PLS1: variants seen among roughly 807,000 people sequenced by gnomAD.
PLS1 encodes plastin 1, also known as plastin-1.
In PLS1, 32 loss-of-function variants were observed where a neutral mutation model predicts 73.7. The ratio of observed to expected loss-of-function variants is 0.43; its 90% CI spans 0.33 to 0.58. The LOEUF (loss-of-function observed/expected upper bound fraction) is 0.58, where lower values mean the gene tolerates loss of function less well. PLS1 is among the 20% of genes least tolerant of loss of function. The pLI is 0.04. For synonymous variants in PLS1, 217 were observed against 261.3 expected (o/e 0.83, Z 1.63); for missense variants, 633 against 740.5 (o/e 0.85, Z 1.68).
At chr3:142,684,900 A>C (rs2037931329) in intron 8 of PLS1, among the ~76,000 whole-genome samples, 1 of 152,174 alleles carries the variant, frequency 6.6e-6, no homozygotes, top group Non-Finnish European at 1.5e-5. Flanking sequence ...GAATCTTGTC[A>C]AGGAAACTAT....
At chr3:142,599,168 A>G (rs962856390) in intron 1 of PLS1, among the ~76,000 whole-genome samples, 2 of 138,694 alleles carry the variant, frequency 1.4e-5, no homozygotes, top group Non-Finnish European at 3.0e-5. Context: ...TAGTTATTAC[A>G]TGAATGAATG....
intron 6 of PLS1, among the ~76,000 whole-genome samples, chr3:142,680,323 C>G (rs1277334643): frequency 6.6e-6 from 1 of 152,074 alleles, no homozygotes; most frequent in Non-Finnish European, 1.5e-5. Context: ...CTTCAGCCTC[C>G]CAAAGTGCTG....
intron 6 of PLS1, among the ~76,000 whole-genome samples, chr3:142,678,497 C>T (rs2037772446): frequency 6.9e-6 from 1 of 145,954 alleles, no homozygotes. Flanking sequence ...TGTTCAATTC[C>T]CACCTATGCG....
chr3:142,646,673 T>G (rs1430030820), intron 1 of PLS1, among the ~76,000 whole-genome samples: 1 of 152,254 alleles, frequency 6.6e-6, no homozygotes, highest in Non-Finnish European at 1.5e-5. Flanking sequence ...CACATCATAG[T>G]TCTTACTGTG....
chr3:142,708,420 G>A (rs1490092427), intron 14 of PLS1, among the ~76,000 whole-genome samples: 1 of 152,030 alleles, frequency 6.6e-6, no homozygotes, highest in Non-Finnish European at 1.5e-5. Flanking sequence ...TTAATTTTTT[G>A]TACTTTTAGT....
intron 1 of PLS1, among the ~76,000 whole-genome samples, chr3:142,597,761 T>C (rs1305841090): frequency 1.3e-5 from 2 of 152,208 alleles, no homozygotes; most frequent in African/African-American, 4.8e-5. Context: ...TCTCATTTTC[T>C]GGGGTCTTTT....
At chr3:142,688,033 C>T (rs1415394655) in intron 9 of PLS1, among the ~76,000 whole-genome samples, 9 of 151,788 alleles carry the variant, frequency 5.9e-5, no homozygotes, top group Admixed American at 5.2e-4. Flanking sequence ...TGGCAACCTC[C>T]GCCTCCTGGG....
intron 12 of PLS1, among the ~76,000 whole-genome samples, chr3:142,701,743 T>C (rs940775252): frequency 6.6e-6 from 1 of 152,204 alleles, no homozygotes; most frequent in Non-Finnish European, 1.5e-5. Flanking sequence ...ATCATCTCCC[T>C]TAGGAACTTT....
At chr3:142,692,343 T>A (rs1284057762) in intron 10 of PLS1, among the ~76,000 whole-genome samples, 1 of 152,138 alleles carries the variant, frequency 6.6e-6, no homozygotes, top group Non-Finnish European at 1.5e-5. Context: ...AGATTTTACT[T>A]CTTGAAATTG....
intron 1 of PLS1, among the ~76,000 whole-genome samples, chr3:142,632,597 A>ATTT (rs71153982): frequency 6.9e-6 from 1 of 145,246 alleles, no homozygotes; most frequent in African/African-American, 2.5e-5. Context: ...TTAGAGCAGG[A>ATTT]TTTTTTTTTT....
chr3:142,604,734 A>G (rs1247243699), intron 1 of PLS1, among the ~76,000 whole-genome samples: 2 of 152,112 alleles, frequency 1.3e-5, no homozygotes, highest in Non-Finnish European at 1.5e-5. Flanking sequence ...GGATATTGAG[A>G]CCATCCTGGC....
At chr3:142,702,582 G>GTTCC (rs1242257025) in intron 12 of PLS1, among the ~76,000 whole-genome samples, 1 of 152,108 alleles carries the variant, frequency 6.6e-6, no homozygotes, top group African/African-American at 2.4e-5. Flanking sequence ...AAGCACTTTT[G>GTTCC]TTCCTACTGG....
chr3:142,629,807 T>A (rs2036514270), intron 1 of PLS1, among the ~76,000 whole-genome samples: 1 of 152,212 alleles, frequency 6.6e-6, no homozygotes. Context: ...TTAGACTTGA[T>A]AATTCTTTGT....
At chr3:142,710,875 A>G (rs1176781069) in intron 14 of PLS1, among the ~76,000 whole-genome samples, 1 of 152,214 alleles carries the variant, frequency 6.6e-6, no homozygotes, top group Non-Finnish European at 1.5e-5. Flanking sequence ...TAACTTAAAA[A>G]TGGAGAGACT....
Position 142,709,636 on chromosome 3 carries a change from G to A in PLS1, c.1630-1865G>A, listed in dbSNP as rs562771316. On this transcript the variant is annotated intron_variant, in intron 14 of 15. Transcript: ENST00000457734. The stretch of plus-strand genomic sequence containing the variant: ...TCACAACCATCCTGGCTAACACGGC[G>A]AAACCCCATCTCTACTAAAAATACA... Among the ~76,000 whole-genome samples the A allele has an allele frequency of 3.3e-3, 495 of 152,178 alleles. 3 individuals carry two copies. Among genetic ancestry groups the A allele is most frequent in the African/African-American group, 0.011 (476 of 41,536 alleles).
At chr3:142,695,761 C>CTTAT (rs55888631) in intron 11 of PLS1, among the ~76,000 whole-genome samples, 1,523 of 94,184 alleles carry the variant, frequency 0.016, 17 homozygotes, top group Middle Eastern at 0.039. Context: ...AGGAGACTTA[C>CTTAT]TTATTTATTT....
chr3:142,676,266 A>T lies in PLS1; in HGVS notation c.474A>T (p.Ser158=). The change falls in exon 5 of 16, where the codon TCA becomes TCT. Residue 158 remains serine, a synonymous_variant. Coordinates refer to ENST00000457734, the MANE Select transcript of PLS1 (RefSeq NM_001145319.2). ...MNPNDDSLFK[S]LADGILLCKM... ...CCAATGATGATAGTCTTTTCAAGTC[A>T]CTTGCAGATGGCATCCTTCTTTGGT... The T allele has an allele frequency of 1.2e-6, 2 of 1,613,294 alleles. No individual in the cohort carries two copies. The highest frequency in any genetic ancestry group is 3.3e-5 in the Admixed American group (2 of 59,902).
chr3:142,706,084 T>C (rs944993949), intron 14 of PLS1, among the ~76,000 whole-genome samples: 2 of 152,204 alleles, frequency 1.3e-5, no homozygotes, highest in Non-Finnish European at 2.9e-5. Flanking sequence ...TAGAAAATAT[T>C]AAACATGTAT....
chr3:142,680,157 G>C (rs2037818567), intron 6 of PLS1, among the ~76,000 whole-genome samples: 1 of 152,164 alleles, frequency 6.6e-6, no homozygotes, highest in African/African-American at 2.4e-5. Context: ...TCAAACTCCT[G>C]GGATCAAGTG....
Sources: allele counts gnomAD v4.1 joint callset (sites outside exome capture counted in the v4.1 genomes callset), GRCh38; gene constraint gnomAD v4.1.1; transcripts MANE v1.5; gene names NCBI Gene and HGNC (gene_info 2026-07-23, HGNC 2026-07-21).